DLG2: variants seen among roughly 807,000 people sequenced by gnomAD.
The protein encoded by DLG2 is discs large MAGUK scaffold protein 2, also known as disks large homolog 2.
In DLG2, 45 loss-of-function variants were observed where a neutral mutation model predicts 132.5. That is an observed-to-expected ratio of 0.34 (90% CI 0.27 to 0.44). The LOEUF (loss-of-function observed/expected upper bound fraction) is 0.44, where lower values mean the gene tolerates loss of function less well. Ranked by LOEUF, DLG2 falls within the 20% of genes least tolerant of loss-of-function variation. The pLI is 1.00. For missense variants in DLG2, 1,045 were observed against 1,196.9 expected (o/e 0.87, Z 1.87); for synonymous variants, 424 against 419.6 (o/e 1.01, Z -0.13).
At chr11:84,039,416 G>C (rs1168619215) in intron 11 of DLG2, among the ~76,000 whole-genome samples, 2 of 121,730 alleles carry the variant, frequency 1.6e-5, no homozygotes, top group African/African-American at 6.4e-5. Flanking sequence ...TCCCCTTCCT[G>C]TGTCCATGTG....
At chr11:84,550,186 T>C (rs1011101733) in intron 6 of DLG2, among the ~76,000 whole-genome samples, 1 of 151,910 alleles carries the variant, frequency 6.6e-6, no homozygotes, top group Non-Finnish European at 1.5e-5. Flanking sequence ...AATTCAGCCT[T>C]ATCACCATTA....
intron 6 of DLG2, among the ~76,000 whole-genome samples, chr11:84,860,095 C>G (rs773758673): frequency 3.3e-5 from 5 of 152,052 alleles, no homozygotes; most frequent in Admixed American, 6.6e-5. Context: ...CAATGTTTTA[C>G]GTATAACCAG....
chr11:84,800,051 T>A (rs2075179483), intron 6 of DLG2, among the ~76,000 whole-genome samples: 1 of 152,146 alleles, frequency 6.6e-6, no homozygotes, highest in Non-Finnish European at 1.5e-5. Context: ...TCTAGTCTGA[T>A]GGGGTGAATG....
intron 11 of DLG2, among the ~76,000 whole-genome samples, chr11:84,028,009 T>A (rs1160494999): frequency 1.3e-5 from 2 of 151,322 alleles, no homozygotes; most frequent in African/African-American, 2.4e-5. Context: ...TGGAAAAGTA[T>A]AACCAATGTA....
intron 18 of DLG2, among the ~76,000 whole-genome samples, chr11:83,733,186 A>T (rs1237057870): frequency 7.3e-6 from 1 of 136,288 alleles, no homozygotes; most frequent in Non-Finnish European, 1.5e-5. Flanking sequence ...GGTTGCAGGG[A>T]GCTGAGATCA....
At chr11:84,790,769 G>A (rs934221040) in intron 6 of DLG2, among the ~76,000 whole-genome samples, 5 of 152,174 alleles carry the variant, frequency 3.3e-5, no homozygotes, top group Non-Finnish European at 7.4e-5. Flanking sequence ...TGTATACGAT[G>A]AGAGACAGTA....
At chr11:85,498,429 G>A (rs1287597266) in intron 3 of DLG2, among the ~76,000 whole-genome samples, 2 of 152,152 alleles carry the variant, frequency 1.3e-5, no homozygotes, top group East Asian at 3.8e-4. Context: ...GATTCATAAA[G>A]CAAGTCCTGA....
At chr11:83,478,518 A>T (rs1436269920) in intron 22 of DLG2, among the ~76,000 whole-genome samples, 1 of 152,088 alleles carries the variant, frequency 6.6e-6, no homozygotes, top group Admixed American at 6.6e-5. Flanking sequence ...ATCTTAGAAC[A>T]TCACTCTAAA....
At chr11:85,027,555 C>A (rs568666824) in intron 6 of DLG2, among the ~76,000 whole-genome samples, 1 of 152,150 alleles carries the variant, frequency 6.6e-6, no homozygotes, top group Non-Finnish European at 1.5e-5. Flanking sequence ...GAGCCAGGCA[C>A]GGAGTGGCAA....
chr11:85,191,526 G>A (rs2080575183), intron 4 of DLG2, among the ~76,000 whole-genome samples: 1 of 152,102 alleles, frequency 6.6e-6, no homozygotes, highest in Admixed American at 6.6e-5. Flanking sequence ...CACGCTCTCA[G>A]AAGAATTCAT....
intron 16 of DLG2, among the ~76,000 whole-genome samples, chr11:83,856,594 A>T (rs2060568908): frequency 6.6e-6 from 1 of 151,996 alleles, no homozygotes; most frequent in Non-Finnish European, 1.5e-5. Flanking sequence ...AGTGATGTTG[A>T]CCTTTATTTT....
intron 15 of DLG2, among the ~76,000 whole-genome samples, chr11:83,880,083 A>G (rs2065787842): frequency 6.6e-6 from 1 of 152,200 alleles, no homozygotes; most frequent in African/African-American, 2.4e-5. Flanking sequence ...GCCAGAGCAG[A>G]GTGGCCAGGG....
intron 3 of DLG2, among the ~76,000 whole-genome samples, chr11:85,493,942 C>A (rs1312549709): frequency 6.6e-6 from 1 of 152,134 alleles, no homozygotes; most frequent in Admixed American, 6.5e-5. Flanking sequence ...GTAGGATTGG[C>A]ATTCAGTGAG....
chr11:85,605,279 T>G (rs1303819951), intron 2 of DLG2, among the ~76,000 whole-genome samples: 1 of 152,160 alleles, frequency 6.6e-6, no homozygotes, highest in Non-Finnish European at 1.5e-5. Context: ...TGATTCCAAG[T>G]ATAGTGTTCT....
At chr11:84,484,822 A>C (rs2099146826) in intron 7 of DLG2, among the ~76,000 whole-genome samples, 1 of 152,180 alleles carries the variant, frequency 6.6e-6, no homozygotes. Context: ...CCATGTCCAC[A>C]TCTGTTTATT....
Position 83,930,348 on chromosome 11 carries a change from T to C in DLG2, c.1476A>G (p.Leu492=), listed in dbSNP as rs368797626. ...AGTACCTGGTCATCTCAGAGTCAGG[T>C]AGCAGGCCTAGGTGGTAGTGGGAAT... ...APYSHYHLGL[L]PDSEMTSHSQ... is the part of the protein sequence containing the mutation. Residue 492 remains leucine (L), a synonymous_variant, in exon 15 of 28, where the codon CTA becomes CTG. Transcript: ENST00000376104. 2 of 1,613,860 alleles carry C rather than the reference T, an allele frequency of 1.2e-6. No homozygotes were observed. Among genetic ancestry groups the C allele is most frequent in the South Asian group, 1.1e-5 (1 of 91,070 alleles).
chr11:84,975,771 A>G (rs944425368), intron 6 of DLG2, among the ~76,000 whole-genome samples: 4 of 152,188 alleles, frequency 2.6e-5, no homozygotes, highest in Admixed American at 1.3e-4. Context: ...TGGGCTTGGG[A>G]CAAATTCAAA....
chr11:84,889,527 G>A (rs1480274743), intron 6 of DLG2, among the ~76,000 whole-genome samples: 1 of 152,102 alleles, frequency 6.6e-6, no homozygotes, highest in African/African-American at 2.4e-5. Context: ...GTATAGACAA[G>A]GAACTGTCTG....
intron 6 of DLG2, among the ~76,000 whole-genome samples, chr11:85,013,835 A>C (rs950167164): frequency 3.9e-5 from 6 of 152,198 alleles, no homozygotes; most frequent in Non-Finnish European, 8.8e-5. Flanking sequence ...TGTGAGCAGC[A>C]GTTAGGGTTT....
Sources: gnomAD v4.1 joint callset for allele counts (sites outside exome capture counted in the v4.1 genomes callset) on GRCh38, gnomAD v4.1.1 for gene constraint, MANE v1.5 for transcripts, NCBI Gene and HGNC (gene_info 2026-07-23, HGNC 2026-07-21) for gene names.